The following ADAMTSL1 variants were observed in gnomAD, a reference collection of about 807,000 sequenced individuals.
ADAMTSL1 encodes ADAMTS-like protein 1.
In ADAMTSL1, 126 loss-of-function variants were observed where a neutral mutation model predicts 201.8. That is an observed-to-expected ratio of 0.62 (90% CI 0.54 to 0.72). ADAMTSL1 has a LOEUF of 0.72. ADAMTSL1 is among the 30% of genes least tolerant of loss of function. ADAMTSL1 has a pLI of 0.00. For missense variants in ADAMTSL1, 2,679 were observed against 2,277.8 expected (o/e 1.18, Z -3.59); for synonymous variants, 1,121 against 903.4 (o/e 1.24, Z -4.32).
At chr9:18,317,752 T>C (rs1237691966) in intron 2 of ADAMTSL1, among the ~76,000 whole-genome samples, 1 of 152,116 alleles carries the variant, frequency 6.6e-6, no homozygotes, top group Non-Finnish European at 1.5e-5. Context: ...GTGGAGTGCT[T>C]CTCCTCTGCA....
intron 23 of ADAMTSL1, among the ~76,000 whole-genome samples, chr9:18,842,454 C>G (rs554557473): frequency 3.7e-4 from 56 of 152,180 alleles, no homozygotes; most frequent in Admixed American, 3.2e-3. Context: ...AGCTTTACTT[C>G]CAAGTATGTG....
chr9:18,265,226 G>T (rs929370011), intron 2 of ADAMTSL1, among the ~76,000 whole-genome samples: 2 of 152,052 alleles, frequency 1.3e-5, no homozygotes, highest in Non-Finnish European at 2.9e-5. Context: ...GTTGTACCTT[G>T]GGGTCGTTTC....
chr9:17,997,112 A>G (rs1052203405), intron 1 of ADAMTSL1, among the ~76,000 whole-genome samples: 6 of 152,108 alleles, frequency 3.9e-5, no homozygotes, highest in African/African-American at 7.2e-5. Flanking sequence ...TTTAGTATGC[A>G]TGGTGAAAAG....
intron 1 of ADAMTSL1, among the ~76,000 whole-genome samples, chr9:18,161,822 G>C (rs963288655): frequency 6.6e-6 from 1 of 152,002 alleles, no homozygotes; most frequent in Non-Finnish European, 1.5e-5. Flanking sequence ...AACGTAGCAG[G>C]AGTAATTTAG....
At chr9:18,038,773 A>G (rs754126973) in intron 1 of ADAMTSL1, among the ~76,000 whole-genome samples, 3 of 152,216 alleles carry the variant, frequency 2.0e-5, no homozygotes, top group Non-Finnish European at 4.4e-5. Context: ...AGCATAAAGC[A>G]TCTAACAAGA....
intron 1 of ADAMTSL1, among the ~76,000 whole-genome samples, chr9:18,107,565 A>T (rs374851254): frequency 1.9e-4 from 29 of 152,172 alleles, no homozygotes; most frequent in African/African-American, 6.5e-4. Context: ...TTTTTTTTAT[A>T]GCCATGCTCT....
chr9:17,937,870 AT>A (rs1827080418), intron 1 of ADAMTSL1, among the ~76,000 whole-genome samples: 1 of 152,148 alleles, frequency 6.6e-6, no homozygotes, highest in Non-Finnish European at 1.5e-5. Context: ...GTGTTTTACA[AT>A]TCATGTTTGT....
intron 23 of ADAMTSL1, among the ~76,000 whole-genome samples, chr9:18,849,315 C>T (rs969398540): frequency 2.0e-5 from 3 of 152,174 alleles, no homozygotes; most frequent in Non-Finnish European, 2.9e-5. Flanking sequence ...TCACCCCACC[C>T]GCACATTTCC....
chr9:18,375,004 C>G (rs1837221794), intron 2 of ADAMTSL1, among the ~76,000 whole-genome samples: 1 of 152,222 alleles, frequency 6.6e-6, no homozygotes, highest in Non-Finnish European at 1.5e-5. Context: ...CTGTCACTGG[C>G]ATGGGTACCT....
chr9:18,240,234 A>G (rs1336412002), intron 2 of ADAMTSL1, among the ~76,000 whole-genome samples: 1 of 152,184 alleles, frequency 6.6e-6, no homozygotes, highest in African/African-American at 2.4e-5. Flanking sequence ...TACAGAATGG[A>G]TGTTGTATTA....
intron 2 of ADAMTSL1, among the ~76,000 whole-genome samples, chr9:18,367,208 G>A (rs1836806450): frequency 6.6e-6 from 1 of 152,102 alleles, no homozygotes; most frequent in Admixed American, 6.6e-5. Flanking sequence ...AAAAATAACT[G>A]TGACAAGACA....
At chr9:18,739,467 T>C (rs1818697798) in intron 15 of ADAMTSL1, among the ~76,000 whole-genome samples, 1 of 152,190 alleles carries the variant, frequency 6.6e-6, no homozygotes, top group Non-Finnish European at 1.5e-5. Context: ...ATGAGAATCA[T>C]GGATAATCAA....
intron 2 of ADAMTSL1, among the ~76,000 whole-genome samples, chr9:18,276,013 G>C (rs1832573497): frequency 6.6e-6 from 1 of 152,122 alleles, no homozygotes; most frequent in East Asian, 1.9e-4. Flanking sequence ...CCCTACAAGT[G>C]TCTCTTCTGA....
chr9:18,833,426 T>C (rs1041316003), intron 23 of ADAMTSL1, among the ~76,000 whole-genome samples: 2 of 152,266 alleles, frequency 1.3e-5, no homozygotes, highest in Admixed American at 6.5e-5. Flanking sequence ...TGTCTCATTG[T>C]GGTTTTGATT....
intron 1 of ADAMTSL1, among the ~76,000 whole-genome samples, chr9:18,001,573 G>GA (rs1819613379): frequency 6.6e-6 from 1 of 152,176 alleles, no homozygotes; most frequent in East Asian, 1.9e-4. Flanking sequence ...TTTCCAGGAA[G>GA]AAAAATCTCC....
chr9:18,295,527 A>G (rs550048947), intron 2 of ADAMTSL1, among the ~76,000 whole-genome samples: 3 of 151,980 alleles, frequency 2.0e-5, no homozygotes, highest in Non-Finnish European at 4.4e-5. Flanking sequence ...TTTAGTAGAG[A>G]TGGAGTTTCA....
intron 19 of ADAMTSL1, among the ~76,000 whole-genome samples, chr9:18,783,171 T>C (rs1563797855): frequency 6.6e-6 from 1 of 152,186 alleles, no homozygotes; most frequent in African/African-American, 2.4e-5. Context: ...TACATTGAGA[T>C]GATAAATAAG....
chr9:18,608,318 A>C (rs1304928291), intron 4 of ADAMTSL1, among the ~76,000 whole-genome samples: 1 of 152,228 alleles, frequency 6.6e-6, no homozygotes, highest in African/African-American at 2.4e-5. Flanking sequence ...TCCAGTTACT[A>C]CACGATTTAA....
intron 2 of ADAMTSL1, among the ~76,000 whole-genome samples, chr9:18,519,300 A>C (rs1171610926): frequency 1.3e-5 from 2 of 152,316 alleles, no homozygotes; most frequent in East Asian, 3.9e-4. Flanking sequence ...AGTCACTGTT[A>C]GGTGAATTTA....
Sources: gnomAD v4.1 joint callset for allele counts (sites outside exome capture counted in the v4.1 genomes callset) on GRCh38, gnomAD v4.1.1 for gene constraint, MANE v1.5 for transcripts, NCBI Gene and HGNC (gene_info 2026-07-23, HGNC 2026-07-21) for gene names.